Variants in MPPED1 observed in about 807,000 individuals in gnomAD.
MPPED1 encodes the protein metallophosphoesterase domain containing 1.
MPPED1 carries 16 observed loss-of-function variants against 36.2 expected under a neutral mutation model. That is an observed-to-expected ratio of 0.44 (90% CI 0.30 to 0.67). MPPED1 has a LOEUF of 0.67. Ranked by LOEUF, MPPED1 falls within the 30% of genes least tolerant of loss-of-function variation. The pLI is 0.10. For synonymous variants in MPPED1, 199 were observed against 191.3 expected (o/e 1.04, Z -0.33); for missense variants, 307 against 453.4 (o/e 0.68, Z 2.93).
In MPPED1 at chr22:43,436,996, G is replaced by T. The variant is rs147415382; in HGVS notation, c.406+1781G>T. On this transcript the variant is annotated intron_variant, in intron 3 of 6. Coordinates refer to ENST00000443721, the MANE Select transcript of MPPED1 (RefSeq NM_001044370.2). ...TAAAGGGGTCTTCCTTTTACAAAAGGTTCTTTCCCTCAGGCCTCGCCCCTT... is the reference window on the plus strand; with the variant it reads ...TAAAGGGGTCTTCCTTTTACAAAAGTTTCTTTCCCTCAGGCCTCGCCCCTT... Among the ~76,000 whole-genome samples the T allele has an allele frequency of 1.5e-3, 232 of 152,318 alleles. 1 individual carries two copies. The Middle Eastern group carries it at 0.024, about 16-fold the overall frequency.
At chr22:43,473,945 G>A (rs1471989997) in intron 3 of MPPED1, among the ~76,000 whole-genome samples, 1 of 152,228 alleles carries the variant, frequency 6.6e-6, no homozygotes, top group Non-Finnish European at 1.5e-5. Context: ...AGCAAAGCTG[G>A]AATGACACTA....
At chr22:43,488,059 G>C (rs113551077) in intron 4 of MPPED1, among the ~76,000 whole-genome samples, 1 of 152,142 alleles carries the variant, frequency 6.6e-6, no homozygotes, top group South Asian at 2.1e-4. Flanking sequence ...TGCATCTGTA[G>C]AGTGGAGGCC....
chr22:43,504,621 G>A (rs1030484739), intron 6 of MPPED1, among the ~76,000 whole-genome samples: 2 of 151,726 alleles, frequency 1.3e-5, no homozygotes, highest in African/African-American at 4.8e-5. Flanking sequence ...TGACGTTGAT[G>A]GCACTAGTGA....
chr22:43,484,247 G>A (rs1425760195), intron 4 of MPPED1, among the ~76,000 whole-genome samples: 2 of 152,212 alleles, frequency 1.3e-5, no homozygotes, highest in South Asian at 2.1e-4. Context: ...CCCGTGTATT[G>A]TCCCATGTAG....
chr22:43,434,606 T>C (rs1569068316), intron 2 of MPPED1, among the ~76,000 whole-genome samples: 1 of 152,178 alleles, frequency 6.6e-6, no homozygotes, highest in Non-Finnish European at 1.5e-5. Flanking sequence ...TGTGATGCCG[T>C]ACTAAAGCTT....
At chr22:43,470,582 A>G (rs948749908) in intron 3 of MPPED1, among the ~76,000 whole-genome samples, 2 of 152,230 alleles carry the variant, frequency 1.3e-5, no homozygotes, top group Non-Finnish European at 1.5e-5. Flanking sequence ...TAAACGATTT[A>G]TCCATCCATG....
intron 4 of MPPED1, among the ~76,000 whole-genome samples, chr22:43,477,078 G>C (rs1210972545): frequency 6.6e-6 from 1 of 152,168 alleles, no homozygotes; most frequent in Non-Finnish European, 1.5e-5. Context: ...GGGGTTTGGT[G>C]AGATCCAGGA....
At chr22:43,497,155 G>A (rs1002977374) in intron 4 of MPPED1, among the ~76,000 whole-genome samples, 3 of 151,860 alleles carry the variant, frequency 2.0e-5, no homozygotes, top group Non-Finnish European at 4.4e-5. Flanking sequence ...TACTAGTAAT[G>A]GAGGTGGTGG....
At chr22:43,452,391 T>C (rs1032900480) in intron 3 of MPPED1, among the ~76,000 whole-genome samples, 2 of 152,032 alleles carry the variant, frequency 1.3e-5, no homozygotes, top group Non-Finnish European at 2.9e-5. Flanking sequence ...CTGCCTGTGG[T>C]TCTGTAAAAC....
At chr22:43,472,495 G>T (rs571530343) in intron 3 of MPPED1, among the ~76,000 whole-genome samples, 1 of 152,222 alleles carries the variant, frequency 6.6e-6, no homozygotes, top group African/African-American at 2.4e-5. Context: ...AGTGGGTCTG[G>T]GATCCAGGCT....
Position 43,474,461 on chromosome 22 carries a change from C to T in MPPED1, c.407-275C>T, listed in dbSNP as rs971938079. 4.6e-5 allele frequency among the ~76,000 whole-genome samples: 7 copies of T among 152,248 alleles called. No homozygotes were observed. The highest frequency in any genetic ancestry group is 2.6e-4 in the Admixed American group (4 of 15,288). ...GGGGCCTGGCAGCAGGTACCCCTGT[C>T]AGCGATTCCAGCAGCTTCCTCCTGC... is the stretch of plus-strand genomic sequence containing the variant. On this transcript the variant is annotated intron_variant, in intron 3 of 6. Coordinates refer to ENST00000443721, the MANE Select transcript of MPPED1 (RefSeq NM_001044370.2). This position sits in a 1 kb window ranked among gnomAD's most constrained non-coding sequence, Gnocchi z 5.2.
chr22:43,494,056 C>T (rs1162817468), intron 4 of MPPED1, among the ~76,000 whole-genome samples: 1 of 152,166 alleles, frequency 6.6e-6, no homozygotes, highest in Non-Finnish European at 1.5e-5. Flanking sequence ...TATTTTGAGA[C>T]AGGGTCTTGC....
intron 3 of MPPED1, among the ~76,000 whole-genome samples, chr22:43,436,116 C>A (rs1455712735): frequency 6.6e-6 from 1 of 152,152 alleles, no homozygotes; most frequent in Non-Finnish European, 1.5e-5. Context: ...TGCTTTTTTT[C>A]AAAAATAAGA....
At chr22:43,472,551 T>G (rs1043992788) in intron 3 of MPPED1, among the ~76,000 whole-genome samples, 1 of 152,178 alleles carries the variant, frequency 6.6e-6, no homozygotes, top group Admixed American at 6.5e-5. Context: ...GTGGCCCCCA[T>G]GTACCAGTGG....
intron 4 of MPPED1, among the ~76,000 whole-genome samples, chr22:43,488,022 G>A (rs1033854531): frequency 3.9e-5 from 6 of 152,166 alleles, no homozygotes; most frequent in Non-Finnish European, 7.3e-5. Context: ...GCTGTGTCAC[G>A]TGGGTACCTC....
At chr22:43,464,835 G>C (rs1931106777) in intron 3 of MPPED1, among the ~76,000 whole-genome samples, 1 of 152,146 alleles carries the variant, frequency 6.6e-6, no homozygotes, top group South Asian at 2.1e-4. Flanking sequence ...TCTCTTTCCA[G>C]CTTCCAAACC....
chr22:43,426,556 C>T (rs963947963), intron 2 of MPPED1, among the ~76,000 whole-genome samples: 6 of 152,156 alleles, frequency 3.9e-5, no homozygotes, highest in Admixed American at 6.5e-5. Context: ...AGCCGCTGTC[C>T]CTCGGACCAC....
In MPPED1 at chr22:43,433,450, G is replaced by GTGAA. The variant is rs1203621485; in HGVS notation, c.225-1581_225-1580insATGA. Among the ~76,000 whole-genome samples, 52 of 3,926 alleles carry GTGAA rather than the reference G, an allele frequency of 0.013. No homozygotes were observed. The South Asian group carries it at 0.13, about 10-fold the overall frequency. 2.6% of individuals were successfully genotyped at this position (3,926 alleles called of 152,430 possible). Reference sequence around the variant, plus strand: ...TTGTATTCAGTGAATGAGTGAATGAGTGAGTGAATGAGTGAATGGAGGAGA... The same window carrying GTGAA: ...TTGTATTCAGTGAATGAGTGAATGAGTGAATGAGTGAATGAGTGAATGGAGGAGA... On this transcript the variant is annotated intron_variant, in intron 2 of 6. Transcript: ENST00000443721.
intron 1 of MPPED1, among the ~76,000 whole-genome samples, chr22:43,414,871 C>T (rs1179175268): frequency 6.6e-6 from 1 of 152,114 alleles, no homozygotes; most frequent in Non-Finnish European, 1.5e-5. Flanking sequence ...CAAAGGGCTC[C>T]CCAGGTGCAG....
Sources: allele counts gnomAD v4.1 joint callset (sites outside exome capture counted in the v4.1 genomes callset), GRCh38; gene constraint gnomAD v4.1.1; non-coding constraint Gnocchi (gnomAD v3.1); transcripts MANE v1.5; gene names NCBI Gene and HGNC (gene_info 2026-07-23, HGNC 2026-07-21).